Variants in GUCY1A2 observed in about 807,000 individuals in gnomAD.
GUCY1A2 encodes guanylate cyclase 1 soluble subunit alpha 2.
A neutral mutation model predicts 63.5 loss-of-function variants in GUCY1A2; 27 were observed. The observed-to-expected ratio is 0.43, with a 90% CI of 0.31 to 0.59. The LOEUF is 0.59. GUCY1A2 is among the 20% of genes least tolerant of loss of function. The pLI is 0.11. For synonymous variants in GUCY1A2, 364 were observed against 343.5 expected, an observed-to-expected ratio of 1.06 and a Z score of -0.66; for missense variants, 768 against 913.3, an observed-to-expected ratio of 0.84 and a Z score of 2.05.
chr11:106,845,432 G>T (rs1859257824), intron 4 of GUCY1A2, among the ~76,000 whole-genome samples: 1 of 151,516 alleles, frequency 6.6e-6, no homozygotes, highest in Non-Finnish European at 1.5e-5. Flanking sequence ...CATATCCAAG[G>T]ATGAGTGCTA....
intron 4 of GUCY1A2, among the ~76,000 whole-genome samples, chr11:106,854,021 G>C (rs1472519375): frequency 6.6e-6 from 1 of 152,240 alleles, no homozygotes; most frequent in African/African-American, 2.4e-5. Context: ...TTGGGCATGA[G>C]TGATGTTGCT....
intron 1 of GUCY1A2, among the ~76,000 whole-genome samples, chr11:106,991,276 G>T (rs1861467564): frequency 6.6e-6 from 1 of 152,122 alleles, no homozygotes; most frequent in African/African-American, 2.4e-5. Flanking sequence ...GGGATTACAG[G>T]CGTGAGCCAC....
chr11:106,773,960 A>AATTT (rs1053238906), intron 6 of GUCY1A2, among the ~76,000 whole-genome samples: 35 of 152,272 alleles, frequency 2.3e-4, no homozygotes, highest in Non-Finnish European at 4.6e-4. Context: ...TCTAATGACA[A>AATTT]ATTTATAGTT....
At chr11:106,733,309 A>G (rs543642478) in intron 6 of GUCY1A2, among the ~76,000 whole-genome samples, 1 of 152,258 alleles carries the variant, frequency 6.6e-6, no homozygotes, top group African/African-American at 2.4e-5. Flanking sequence ...TATGAGTTGT[A>G]GTCAAAATAT....
At chr11:106,932,920 G>A (rs1317024910) in intron 4 of GUCY1A2, among the ~76,000 whole-genome samples, 5 of 152,076 alleles carry the variant, frequency 3.3e-5, no homozygotes, top group Admixed American at 3.3e-4. Flanking sequence ...GCTGTATGCA[G>A]GTGAATGAAA....
At position 107,017,745 on chromosome 11, in the gene GUCY1A2, C is replaced by A. The variant is rs553620333; in HGVS notation, c.303+8G>T. 1 of 1,388,928 alleles carries A rather than the reference C, an allele frequency of 7.2e-7. No individual in the cohort carries two copies. The highest frequency in any genetic ancestry group is 9.3e-7 in the Non-Finnish European group (1 of 1,072,430). 86.0% of individuals were successfully genotyped at this position (1,388,928 alleles called of 1,614,324 possible). ...CGAAGGCGGTCCCCCCTTCCGCCCC[C>A]CGCTCACCGAGGGCGCCGTCAGGCG... On this transcript the variant is annotated splice_region_variant and intron_variant, in intron 1 of 7. Coordinates refer to ENST00000526355, the MANE Select transcript of GUCY1A2 (RefSeq NM_000855.3).
chr11:106,878,685 T>TA (rs1420620241), intron 4 of GUCY1A2, among the ~76,000 whole-genome samples: 1 of 150,502 alleles, frequency 6.6e-6, no homozygotes, highest in African/African-American at 2.4e-5. Context: ...GTACTAGGCC[T>TA]AATACATGGT....
intron 4 of GUCY1A2, among the ~76,000 whole-genome samples, chr11:106,842,521 C>T (rs1342722404): frequency 6.6e-6 from 1 of 151,982 alleles, no homozygotes; most frequent in Non-Finnish European, 1.5e-5. Flanking sequence ...GCATTAGTGC[C>T]ACTATTTCTT....
At chr11:106,736,178 T>C (rs984788686) in intron 6 of GUCY1A2, among the ~76,000 whole-genome samples, 2 of 152,212 alleles carry the variant, frequency 1.3e-5, no homozygotes, top group East Asian at 1.9e-4. Flanking sequence ...CACCAGTGTT[T>C]TTGAGCTACT....
intron 4 of GUCY1A2, chr11:106,823,899 A>G (rs1217628948): frequency 2.3e-5 from 8 of 352,826 alleles, no homozygotes; most frequent in African/African-American, 1.5e-4. Context: ...TCCTTTGCCC[A>G]CTTTTTTTTT....
At chr11:106,832,850 A>G (rs1232136095) in intron 4 of GUCY1A2, among the ~76,000 whole-genome samples, 1 of 152,156 alleles carries the variant, frequency 6.6e-6, no homozygotes, top group Non-Finnish European at 1.5e-5. Flanking sequence ...GAAAGCAGCT[A>G]TACAGTGGGC....
intron 1 of GUCY1A2, among the ~76,000 whole-genome samples, chr11:106,990,767 T>C (rs1416955804): frequency 6.6e-6 from 1 of 152,218 alleles, no homozygotes; most frequent in Non-Finnish European, 1.5e-5. Flanking sequence ...CTTCAAAGTG[T>C]ATCCTTTTGC....
chr11:106,825,316 G>A (rs1858954061), intron 4 of GUCY1A2, among the ~76,000 whole-genome samples: 1 of 151,506 alleles, frequency 6.6e-6, no homozygotes, highest in Admixed American at 6.6e-5. Flanking sequence ...TACTGACAGA[G>A]GCTCAATGAG....
chr11:106,776,513 G>T lies in GUCY1A2; in HGVS notation c.1762C>A (p.Pro588Thr). 3.7e-6 allele frequency: 6 copies of T among 1,613,372 alleles called. No individual in the cohort carries two copies. The highest frequency in any genetic ancestry group is 5.1e-6 in the Non-Finnish European group (6 of 1,179,344). ...ATCTTCAAGGCCATCAGAGCAATGGGTTTAGCATGGCAGAGGCTTTTTCTG... is the reference window on the plus strand; with the variant it reads ...ATCTTCAAGGCCATCAGAGCAATGGTTTTAGCATGGCAGAGGCTTTTTCTG... ...LHRKSLCHAK[P>T]IALMALKMME... The change falls in exon 6 of 8, where the codon CCC becomes ACC. Residue 588 changes from proline (P) to threonine (T), a missense_variant. Physicochemically the swap from Pro to Thr is conservative, Grantham distance 38. Coordinates refer to ENST00000526355, the MANE Select transcript of GUCY1A2 (RefSeq NM_000855.3).
chr11:106,908,969 A>G (rs1187914368), intron 4 of GUCY1A2, among the ~76,000 whole-genome samples: 1 of 152,030 alleles, frequency 6.6e-6, no homozygotes, highest in Non-Finnish European at 1.5e-5. Flanking sequence ...ATAATTACTA[A>G]AAAGTAAAAG....
chr11:106,933,656 C>A (rs114084820), intron 4 of GUCY1A2, among the ~76,000 whole-genome samples: 2,285 of 152,266 alleles, frequency 0.015, 55 homozygotes, highest in African/African-American at 0.052. Context: ...ATGATTATTG[C>A]AGCACTATTC....
At chr11:106,738,714 A>T (rs1005344526) in intron 6 of GUCY1A2, among the ~76,000 whole-genome samples, 1 of 152,014 alleles carries the variant, frequency 6.6e-6, no homozygotes, top group Non-Finnish European at 1.5e-5. Flanking sequence ...ATATGTGGCA[A>T]TATTTCTGAG....
intron 3 of GUCY1A2, among the ~76,000 whole-genome samples, chr11:106,968,514 T>G (rs1364707083): frequency 1.3e-5 from 2 of 152,140 alleles, no homozygotes; most frequent in Non-Finnish European, 2.9e-5. Context: ...TATGTAGGAG[T>G]CAGGAATTAC....
intron 4 of GUCY1A2, among the ~76,000 whole-genome samples, chr11:106,889,643 T>A (rs1309097023): frequency 6.6e-6 from 1 of 152,180 alleles, no homozygotes; most frequent in Admixed American, 6.5e-5. Context: ...CATTTTGAAA[T>A]CTCTTGAGAT....
Sources: allele counts gnomAD v4.1 joint callset (sites outside exome capture counted in the v4.1 genomes callset), GRCh38; gene constraint gnomAD v4.1.1; transcripts MANE v1.5; gene names NCBI Gene and HGNC (gene_info 2026-07-23, HGNC 2026-07-21).